Variants in NHSL1 observed in about 807,000 individuals in gnomAD.
The protein encoded by NHSL1 is NHS-like protein 1.
Under a neutral mutation model 95.0 loss-of-function variants are expected in NHSL1, and 48 were observed. The ratio of observed to expected loss-of-function variants is 0.51; its 90% CI spans 0.40 to 0.64. The LOEUF (loss-of-function observed/expected upper bound fraction) is 0.64. NHSL1 is among the 30% of genes least tolerant of loss of function. The pLI is 0.00. For missense variants in NHSL1, 1,971 were observed against 2,077.7 expected (o/e 0.95, Z 1.00); for synonymous variants, 783 against 833.9 (o/e 0.94, Z 1.05).
intron 1 of NHSL1, among the ~76,000 whole-genome samples, chr6:138,603,469 T>C (rs1018505382): frequency 1.3e-5 from 2 of 152,224 alleles, no homozygotes; most frequent in African/African-American, 4.8e-5. Flanking sequence ...TGGTGGTACC[T>C]GTAAATAGTG....
intron 1 of NHSL1, among the ~76,000 whole-genome samples, chr6:138,524,072 A>G (rs772157844): frequency 1.3e-5 from 2 of 152,150 alleles, no homozygotes; most frequent in Non-Finnish European, 1.5e-5. Flanking sequence ...CAAAGGCCTT[A>G]AGCTTGCCAA....
chr6:138,676,002 C>T (rs1257560011), intron 1 of NHSL1, among the ~76,000 whole-genome samples: 1 of 152,134 alleles, frequency 6.6e-6, no homozygotes, highest in African/African-American at 2.4e-5. Flanking sequence ...ACTTCTGTAT[C>T]TCAACAGGTT....
At chr6:138,549,348 A>C (rs1199581539), upstream of NHSL1, among the ~76,000 whole-genome samples, 4 of 152,162 alleles carry the variant, frequency 2.6e-5, no homozygotes, top group Non-Finnish European at 5.9e-5. Flanking sequence ...GCGCCATTGA[A>C]CTCCAACCTG....
chr6:138,664,209 T>G (rs1270952741), intron 1 of NHSL1, among the ~76,000 whole-genome samples: 1 of 152,212 alleles, frequency 6.6e-6, no homozygotes, highest in East Asian at 1.9e-4. Context: ...TTGGTCACAT[T>G]TACTTTACAT....
At chr6:138,612,567 G>C (rs1418034402) in intron 1 of NHSL1, among the ~76,000 whole-genome samples, 3 of 152,170 alleles carry the variant, frequency 2.0e-5, no homozygotes, top group Non-Finnish European at 2.9e-5. Context: ...GAAAGTCTTA[G>C]AAGATACATG....
chr6:138,635,279 A>C (rs749031589), intron 1 of NHSL1, among the ~76,000 whole-genome samples: 13 of 152,106 alleles, frequency 8.5e-5, no homozygotes, highest in Admixed American at 2.0e-4. Flanking sequence ...GGAAAAGTGA[A>C]ACAAAATTGG....
intron 1 of NHSL1, among the ~76,000 whole-genome samples, chr6:138,508,342 C>T (rs1315420471): frequency 6.6e-6 from 1 of 152,048 alleles, no homozygotes; most frequent in Admixed American, 6.6e-5. Flanking sequence ...GTCGGGCTAA[C>T]ATGGTAGAGC....
chr6:138,526,493 A>C (rs953168184), intron 1 of NHSL1, among the ~76,000 whole-genome samples: 12 of 151,960 alleles, frequency 7.9e-5, no homozygotes, highest in African/African-American at 2.2e-4. Flanking sequence ...AAATAAACAA[A>C]ACTTCCTATT....
chr6:138,452,896 T>C (rs1020438020), intron 3 of NHSL1, among the ~76,000 whole-genome samples: 3 of 152,140 alleles, frequency 2.0e-5, no homozygotes, highest in Non-Finnish European at 2.9e-5. Flanking sequence ...GAAGCACAGT[T>C]CATGGTTCAT....
chr6:138,460,648 T>C (rs1164504868), intron 3 of NHSL1, among the ~76,000 whole-genome samples: 1 of 151,884 alleles, frequency 6.6e-6, no homozygotes, highest in East Asian at 1.9e-4. Context: ...ATCCATAGAT[T>C]TGGGTATTTG....
rs992753351 is a variant in NHSL1 at position 138,431,887 on chromosome 6, A to G, written c.2458T>C (p.Ser820Pro). Residue 820 changes from serine to proline, a missense_variant, in exon 6 of 8, where the codon TCC (serine) becomes CCC (proline). Ser to Pro is a moderately conservative substitution (Grantham distance 74). Around this residue, in one of 3 missense-constraint regions of NHSL1, gnomAD observed 1,602 missense variants for 1,654.5 expected, o/e 0.97. Transcript: ENST00000343505. This position sits in a 1 kb window ranked among gnomAD's most constrained non-coding sequence, Gnocchi z 4.0. The part of the protein sequence containing the change: ...NGPVRHVQEG[S>P]RATMPQVPGG... The stretch of plus-strand genomic sequence containing the variant: ...GGCACTTGGGGCATTGTGGCTCTGG[A>G]CCCTTCTTGGACATGGCGGACTGGC... 4 of 1,551,512 alleles carry G rather than the reference A, an allele frequency of 2.6e-6. No homozygotes were observed. The highest frequency in any genetic ancestry group is 3.5e-6 in the Non-Finnish European group (4 of 1,146,938).
At chr6:138,471,344 C>T (rs1257657263) in intron 3 of NHSL1, among the ~76,000 whole-genome samples, 1 of 152,278 alleles carries the variant, frequency 6.6e-6, no homozygotes, top group Admixed American at 6.5e-5. Flanking sequence ...CTCTGAGCAT[C>T]AGTATAAGGC....
At chr6:138,513,630 T>C (rs1252715334) in intron 1 of NHSL1, among the ~76,000 whole-genome samples, 1 of 152,198 alleles carries the variant, frequency 6.6e-6, no homozygotes, top group Admixed American at 6.5e-5. Context: ...GCAAGAGTTA[T>C]CTTAGTTGCT....
chr6:138,503,201 A>G (rs543771675), upstream of NHSL1, among the ~76,000 whole-genome samples: 3 of 151,934 alleles, frequency 2.0e-5, no homozygotes, highest in Admixed American at 6.6e-5. Context: ...TATACTTCCA[A>G]CCACCCAGCT....
intron 1 of NHSL1, among the ~76,000 whole-genome samples, chr6:138,506,173 C>T (rs1167374428): frequency 6.6e-6 from 1 of 152,046 alleles, no homozygotes; most frequent in Non-Finnish European, 1.5e-5. Context: ...AATAAACATT[C>T]ATAATGTTTT....
chr6:138,533,698 G>A (rs1397284811), intron 1 of NHSL1, among the ~76,000 whole-genome samples: 1 of 152,046 alleles, frequency 6.6e-6, no homozygotes, highest in Non-Finnish European at 1.5e-5. Flanking sequence ...CTAAAACATT[G>A]AAAACCCAAG....
intron 5 of NHSL1, among the ~76,000 whole-genome samples, chr6:138,438,225 A>C (rs1229759506): frequency 6.6e-6 from 1 of 152,196 alleles, no homozygotes; most frequent in Non-Finnish European, 1.5e-5. Context: ...TTCAGCAACC[A>C]CCACCCTGAT....
chr6:138,613,067 T>G (rs543376847), intron 1 of NHSL1, among the ~76,000 whole-genome samples: 8 of 152,300 alleles, frequency 5.3e-5, no homozygotes, highest in African/African-American at 1.9e-4. Context: ...CAGGCCCATT[T>G]TCTTAATGGA....
At chr6:138,525,794 T>A (rs1371079375) in intron 1 of NHSL1, among the ~76,000 whole-genome samples, 4 of 152,046 alleles carry the variant, frequency 2.6e-5, no homozygotes, top group Non-Finnish European at 2.9e-5. Flanking sequence ...GAAAAAAGAA[T>A]TATTTGAAAA....
Sources: allele counts gnomAD v4.1 joint callset (sites outside exome capture counted in the v4.1 genomes callset), GRCh38; gene constraint gnomAD v4.1.1; regional missense constraint gnomAD v4.1.1; non-coding constraint Gnocchi (gnomAD v3.1); transcripts MANE v1.5; gene names NCBI Gene and HGNC (gene_info 2026-07-23, HGNC 2026-07-21).